Variants in ZNF66 observed in about 807,000 individuals in gnomAD.
The protein encoded by ZNF66 is putative zinc finger protein 66.
Under a neutral mutation model 35.2 loss-of-function variants are expected in ZNF66, and 32 were observed. That is an observed-to-expected ratio of 0.91 (90% CI 0.69 to 1.22). The LOEUF is 1.22. Among genes scored for constraint, ZNF66 ranks in the 50% most tolerant of loss-of-function variants. The pLI is 0.00. For missense variants in ZNF66, 666 were observed against 543.1 expected (o/e 1.23, Z -2.25); for synonymous variants, 231 against 181.3 (o/e 1.27, Z -2.20).
chr19:20,784,166 T>C (rs1971267584), intron 1 of ZNF66, among the ~76,000 whole-genome samples: 2 of 152,184 alleles, frequency 1.3e-5, no homozygotes, highest in Admixed American at 1.3e-4. Flanking sequence ...TCTACAATAT[T>C]ATGAATATAA....
intron 1 of ZNF66, among the ~76,000 whole-genome samples, chr19:20,783,860 T>C (rs1971265176): frequency 1.3e-5 from 2 of 152,186 alleles, no homozygotes; most frequent in Admixed American, 1.3e-4. Flanking sequence ...AATTAAACAG[T>C]GTTTCCTCTT....
chr19:20,796,153 A>G (rs932692815), intron 3 of ZNF66, among the ~76,000 whole-genome samples: 5 of 151,982 alleles, frequency 3.3e-5, no homozygotes, highest in African/African-American at 1.2e-4. Context: ...TGTACCATGT[A>G]TCTGTCATTA....
chr19:20,777,083 C>G (rs1971201746), intron 1 of ZNF66, among the ~76,000 whole-genome samples: 1 of 141,730 alleles, frequency 7.1e-6, no homozygotes, highest in African/African-American at 2.6e-5. Context: ...CCACTGCACT[C>G]CAGCCTGGGC....
At chr19:20,804,251 TTTA>T (rs1041674319) in intron 3 of ZNF66, among the ~76,000 whole-genome samples, 5 of 151,978 alleles carry the variant, frequency 3.3e-5, no homozygotes, top group South Asian at 2.1e-4. Flanking sequence ...ATTTATTTAT[TTTA>T]TTATTATTTT....
In ZNF66 at chr19:20,807,087, T is replaced by C. The variant is rs1245743575; in HGVS notation, c.1487T>C (p.Leu496Pro). The change falls in exon 4 of 4, where the codon CTT becomes CCT. Residue 496 changes from leucine (L) to proline (P), a missense_variant. Physicochemically the swap from Leu to Pro is moderately conservative, Grantham distance 98. Coordinates refer to ENST00000344519, the MANE Select transcript of ZNF66 (RefSeq NM_001355197.2). ...CGKAFKCSSI[L>P]TTHKRIHTAD... Reference sequence around the variant, plus strand: ...AAGGCCTTTAAGTGCTCCTCTATTCTTACTACACATAAGAGAATTCATACT... The same window carrying C: ...AAGGCCTTTAAGTGCTCCTCTATTCCTACTACACATAAGAGAATTCATACT... The C allele has an allele frequency of 1.3e-6, 1 of 794,378 alleles. No homozygotes were observed. The highest frequency in any genetic ancestry group is 2.3e-6 in the Non-Finnish European group (1 of 441,770). The allele number at this position is 794,378 out of a possible 1,614,324, so 49.2% of individuals were successfully genotyped here.
At chr19:20,778,104 A>G (rs1452423254) in intron 1 of ZNF66, among the ~76,000 whole-genome samples, 1 of 151,972 alleles carries the variant, frequency 6.6e-6, no homozygotes, top group African/African-American at 2.4e-5. Context: ...TATTTTATTT[A>G]TTTACTTATT....
intron 3 of ZNF66, chr19:20,794,577 CAT>C (rs1444005089): frequency 5.9e-5 from 9 of 151,484 alleles, no homozygotes; most frequent in South Asian, 4.1e-4. Context: ...AATTCATTGA[CAT>C]AAAATATTTT....
At chr19:20,795,762 G>A (rs1971386262) in intron 3 of ZNF66, among the ~76,000 whole-genome samples, 1 of 152,152 alleles carries the variant, frequency 6.6e-6, no homozygotes, top group Non-Finnish European at 1.5e-5. Context: ...TCCCAGTAAA[G>A]TCCAAAGTCT....
chr19:20,805,595 T>C (rs1400067199), intron 3 of ZNF66, among the ~76,000 whole-genome samples: 1 of 152,122 alleles, frequency 6.6e-6, no homozygotes, highest in Non-Finnish European at 1.5e-5. Flanking sequence ...GCTCTTTGCA[T>C]TGTACTCACC....
chr19:20,788,668 G>C (rs540998919), intron 1 of ZNF66, among the ~76,000 whole-genome samples: 1 of 152,066 alleles, frequency 6.6e-6, no homozygotes, highest in Non-Finnish European at 1.5e-5. Flanking sequence ...CTCCTGAAGC[G>C]CTGGGATTAC....
At chr19:20,805,107 T>TTGTG (rs59765897) in intron 3 of ZNF66, among the ~76,000 whole-genome samples, 17,777 of 147,530 alleles carry the variant, frequency 0.12, 1,215 homozygotes, top group African/African-American at 0.18. Context: ...CAATTTACAT[T>TTGTG]TGTGTGTGTG....
At chr19:20,794,110 G>T in intron 3 of ZNF66, 1 of 570,944 alleles carries the variant, frequency 1.8e-6, no homozygotes, top group Non-Finnish European at 3.2e-6. Flanking sequence ...CTCTCAGTGA[G>T]CTTCCTTCAC....
Position 20,807,322 on chromosome 19 carries a change from G to A in ZNF66, c.1722G>A (p.Ter574=). 1.6e-6 allele frequency: 1 copy of A among 638,142 alleles called. No individual in the cohort carries two copies. Among genetic ancestry groups the A allele is most frequent in the Non-Finnish European group, 2.8e-6 (1 of 354,080 alleles). The allele number at this position is 638,142 out of a possible 1,614,324, so 39.5% of individuals were successfully genotyped here. ...AATGTGAAAATGTGGCAAAGCCTTAGACACTCCTCTACCCTTACTAGACAT... is the reference window on the plus strand; with the variant it reads ...AATGTGAAAATGTGGCAAAGCCTTAAACACTCCTCTACCCTTACTAGACAT... ...PYKCENVAKP[*] Residue 574 remains the stop codon, a stop_retained_variant, in exon 4 of 4, where the codon TAG becomes TAA. Coordinates refer to ENST00000344519, the MANE Select transcript of ZNF66 (RefSeq NM_001355197.2).
At chr19:20,781,263 C>T (rs2144891276) in intron 1 of ZNF66, among the ~76,000 whole-genome samples, 1 of 152,226 alleles carries the variant, frequency 6.6e-6, no homozygotes, top group Admixed American at 6.5e-5. Flanking sequence ...ATTCGGGGTA[C>T]ACGTGGGTTT....
chr19:20,776,437 G>A lies in ZNF66; in HGVS notation c.-11G>A. The A allele has an allele frequency of 6.4e-7, 1 of 1,559,314 alleles. No individual in the cohort carries two copies. The highest frequency in any genetic ancestry group is 1.7e-5 in the Admixed American group (1 of 59,672). ...ACAGCTAAGACGCCAGGACCCCCTG[G>A]AAGCCTAGAAATGGTGAGAGTGCCG... On this transcript the variant is annotated 5_prime_UTR_variant, in exon 1 of 4. Transcript: ENST00000344519.
At chr19:20,796,385 A>G (rs1555782949) in intron 3 of ZNF66, among the ~76,000 whole-genome samples, 1 of 152,200 alleles carries the variant, frequency 6.6e-6, no homozygotes, top group Non-Finnish European at 1.5e-5. Context: ...TTTGCATGGT[A>G]TGCCTGAAGT....
chr19:20,807,859 C>G lies in ZNF66; in HGVS notation c.*537C>G, dbSNP rs1396620273. Among the ~76,000 whole-genome samples the G allele has an allele frequency of 6.6e-6, 1 of 152,182 alleles. No individual in the cohort carries two copies. The highest frequency in any genetic ancestry group is 2.4e-5 in the African/African-American group (1 of 41,454). On this transcript the variant is annotated 3_prime_UTR_variant, in exon 4 of 4. Transcript: ENST00000344519. ...CTCACTAGGGAGTGCCAGACAGTGG[C>G]TGCAGGACAGTGGGTGCAGTGCACT... is the stretch of plus-strand genomic sequence containing the variant.
chr19:20,797,048 A>C (rs1408065422), intron 3 of ZNF66, among the ~76,000 whole-genome samples: 2 of 151,938 alleles, frequency 1.3e-5, no homozygotes, highest in Admixed American at 1.3e-4. Flanking sequence ...ACAGGGCTTC[A>C]CCAAGTTCGC....
intron 1 of ZNF66, among the ~76,000 whole-genome samples, chr19:20,783,217 AT>A (rs1467902760): frequency 8.5e-5 from 13 of 152,184 alleles, no homozygotes; most frequent in South Asian, 4.1e-4. Flanking sequence ...GCACTCGTGG[AT>A]TTTTTATAAC....
Sources: allele counts gnomAD v4.1 joint callset (sites outside exome capture counted in the v4.1 genomes callset), GRCh38; gene constraint gnomAD v4.1.1; transcripts MANE v1.5; gene names NCBI Gene and HGNC (gene_info 2026-07-23, HGNC 2026-07-21).